Variants in FDX1 observed in about 807,000 individuals in gnomAD.
FDX1 encodes ferredoxin 1, also known as adrenodoxin, mitochondrial.
FDX1 carries 9 observed loss-of-function variants against 14.9 expected under a neutral mutation model. The ratio of observed to expected loss-of-function variants is 0.60; its 90% confidence interval spans 0.36 to 1.05. The LOEUF (loss-of-function observed/expected upper bound fraction) is 1.05, where lower values mean the gene tolerates loss of function less well. FDX1 is among the 50% of genes least tolerant of loss of function. The pLI is 0.01. For missense variants in FDX1, 204 were observed against 237.2 expected (o/e 0.86, Z 0.92); for synonymous variants, 92 against 99.4 (o/e 0.93, Z 0.44).
At chr11:110,439,267 C>T (rs927675980) in intron 2 of FDX1, among the ~76,000 whole-genome samples, 5 of 151,856 alleles carry the variant, frequency 3.3e-5, no homozygotes, top group Non-Finnish European at 1.5e-5. Context: ...GAGTGCAGTG[C>T]TACTGTCTTA....
At chr11:110,430,333 G>C (rs1464757161) in intron 1 of FDX1, 28 bp downstream of exon 1, 9 of 1,179,560 alleles carry the variant, frequency 7.6e-6, no homozygotes, top group South Asian at 4.2e-5. Flanking sequence ...CGCGATCGCC[G>C]GCGCGGGCCG....
At chr11:110,458,338 G>C (rs1946535465) in intron 3 of FDX1, among the ~76,000 whole-genome samples, 1 of 152,152 alleles carries the variant, frequency 6.6e-6, no homozygotes, top group Non-Finnish European at 1.5e-5. Flanking sequence ...AGCTTTTATG[G>C]TGTTTTATAG....
At chr11:110,435,456 G>A (rs961063211) in intron 1 of FDX1, among the ~76,000 whole-genome samples, 1 of 152,216 alleles carries the variant, frequency 6.6e-6, no homozygotes, top group Non-Finnish European at 1.5e-5. Context: ...CGTTGACCAG[G>A]TAGTCATTGC....
chr11:110,434,921 T>C (rs1211274123), intron 1 of FDX1, among the ~76,000 whole-genome samples: 1 of 151,932 alleles, frequency 6.6e-6, no homozygotes, highest in Admixed American at 6.6e-5. Context: ...CATCTCATTT[T>C]TATTTTTATT....
chr11:110,455,661 A>G (rs1189909319), intron 2 of FDX1, among the ~76,000 whole-genome samples: 2 of 152,182 alleles, frequency 1.3e-5, no homozygotes, highest in Non-Finnish European at 2.9e-5. Flanking sequence ...AGAAAAGCCC[A>G]ACTGGCCTGA....
At position 110,444,724 on chromosome 11, in the gene FDX1, GTATA is replaced by G. The variant is rs1332438783; in HGVS notation, c.310+8783_310+8786del. 5.5e-4 allele frequency among the ~76,000 whole-genome samples: 15 copies of G among 27,398 alleles called. 1 individual carries two copies. Among genetic ancestry groups the G allele is most frequent in the East Asian group, 2.7e-3 (2 of 736 alleles). 18.0% of individuals were successfully genotyped at this position (27,398 alleles called of 152,430 possible). ...TATATACGTATATATATATATATAC[GTATA>G]TATATATATATATATACACGTATAT... On this transcript the variant is annotated intron_variant, in intron 2 of 3. Coordinates refer to ENST00000260270, the MANE Select transcript of FDX1 (RefSeq NM_004109.5).
chr11:110,457,879 T>C lies in FDX1; in HGVS notation c.440+832T>C, dbSNP rs1347673000. On this transcript the variant is annotated intron_variant, in intron 3 of 3. Coordinates refer to ENST00000260270, the MANE Select transcript of FDX1 (RefSeq NM_004109.5). ...TTTGTATTTATTTAGAGAAGAAGAA[T>C]CATTTTGTTCCTTTTATAGTTCATT... Among the ~76,000 whole-genome samples, 3 of 152,192 alleles carry C rather than the reference T, an allele frequency of 2.0e-5. No individual in the cohort carries two copies. The East Asian group carries it at 5.8e-4, about 29-fold the overall frequency.
In FDX1 at chr11:110,429,980, G is replaced by A; in HGVS notation, c.-141G>A. Reference sequence around the variant, plus strand: ...ACCTCGGCGCGGTGCTTCCAGCAGGGTCTCTCCGCCACTCCAGCCCCGCGC... The same window carrying A: ...ACCTCGGCGCGGTGCTTCCAGCAGGATCTCTCCGCCACTCCAGCCCCGCGC... On this transcript the variant is annotated 5_prime_UTR_variant, in exon 1 of 4. Transcript: ENST00000260270. 2.1e-6 allele frequency: 1 copy of A among 476,876 alleles called. No homozygotes were observed. Among genetic ancestry groups the A allele is most frequent in the Non-Finnish European group, 3.2e-6 (1 of 311,038 alleles). 29.5% of individuals were successfully genotyped at this position (476,876 alleles called of 1,614,324 possible).
intron 2 of FDX1, among the ~76,000 whole-genome samples, chr11:110,442,867 T>TTG (rs1461099948): frequency 6.6e-6 from 1 of 152,076 alleles, no homozygotes; most frequent in African/African-American, 2.4e-5. Flanking sequence ...TTCCCACGGG[T>TTG]TGTGGGAGGG....
intron 2 of FDX1, among the ~76,000 whole-genome samples, chr11:110,448,532 A>C (rs953596985): frequency 1.3e-5 from 2 of 152,156 alleles, no homozygotes; most frequent in African/African-American, 4.8e-5. Context: ...GTTGGCAAAC[A>C]CTCAAGTTAC....
chr11:110,436,216 A>G (rs1946368141), intron 2 of FDX1, among the ~76,000 whole-genome samples: 1 of 152,190 alleles, frequency 6.6e-6, no homozygotes, highest in African/African-American at 2.4e-5. Flanking sequence ...TGTGTGATAC[A>G]AAGCCGACGG....
intron 2 of FDX1, among the ~76,000 whole-genome samples, chr11:110,456,509 C>CTTTTTT (rs11463993): frequency 1.7e-4 from 14 of 83,804 alleles, no homozygotes; most frequent in Non-Finnish European, 2.2e-4. Flanking sequence ...TTTATGTATT[C>CTTTTTT]TTTTTTTTTT....
intron 2 of FDX1, among the ~76,000 whole-genome samples, chr11:110,444,859 A>G (rs1460056874): frequency 2.7e-5 from 4 of 150,066 alleles, no homozygotes; most frequent in Middle Eastern, 6.9e-3. Context: ...CTGCTGCTGT[A>G]TGCTGCTGCT....
chr11:110,456,047 G>A (rs1319461564), intron 2 of FDX1, among the ~76,000 whole-genome samples: 2 of 152,096 alleles, frequency 1.3e-5, no homozygotes, highest in Non-Finnish European at 2.9e-5. Flanking sequence ...TATGTATTCA[G>A]TAAACCACTG....
chr11:110,436,982 A>G (rs1946374057), intron 2 of FDX1, among the ~76,000 whole-genome samples: 1 of 152,056 alleles, frequency 6.6e-6, no homozygotes, highest in Admixed American at 6.5e-5. Context: ...GCACTCAATA[A>G]TATTTGCTGA....
intron 2 of FDX1, among the ~76,000 whole-genome samples, chr11:110,456,509 CTTTTTTTTTTT>C (rs11463993): frequency 1.2e-5 from 1 of 83,804 alleles, no homozygotes; most frequent in African/African-American, 4.9e-5. Flanking sequence ...TTTATGTATT[CTTTTTTTTTTT>C]TTTTTTTTTT....
chr11:110,459,188 T>G (rs1946541693), intron 3 of FDX1, among the ~76,000 whole-genome samples: 1 of 152,230 alleles, frequency 6.6e-6, no homozygotes, highest in Admixed American at 6.5e-5. Flanking sequence ...ATGGGTAATC[T>G]ACACAGAGGC....
chr11:110,433,966 T>C (rs1218482287), intron 1 of FDX1, among the ~76,000 whole-genome samples: 1 of 152,162 alleles, frequency 6.6e-6, no homozygotes, highest in Non-Finnish European at 1.5e-5. Context: ...CTGGTAGTAA[T>C]AAGAATAACA....
intron 2 of FDX1, among the ~76,000 whole-genome samples, chr11:110,437,767 A>G (rs7951415): frequency 0.3 from 46,210 of 151,974 alleles, 7,259 homozygotes; most frequent in East Asian, 0.38. Flanking sequence ...TTAGAAACCA[A>G]TAGGTAGTTT....
Sources: gnomAD v4.1 joint callset for allele counts (sites outside exome capture counted in the v4.1 genomes callset) on GRCh38, gnomAD v4.1.1 for gene constraint, MANE v1.5 for transcripts, NCBI Gene and HGNC (gene_info 2026-07-23, HGNC 2026-07-21) for gene names.